PSMD13: variants seen among roughly 807,000 people sequenced by gnomAD.
The protein encoded by PSMD13 is 26S proteasome non-ATPase regulatory subunit 13.
A neutral mutation model predicts 57.4 loss-of-function variants in PSMD13; 8 were observed. The ratio of observed to expected loss-of-function variants is 0.14; its 90% CI spans 0.08 to 0.25. The LOEUF (loss-of-function observed/expected upper bound fraction) is 0.25. Among genes scored for constraint, PSMD13 ranks in the 10% least tolerant of loss-of-function variants. The probability of loss-of-function intolerance (pLI) is 1.00; values close to 1 mark genes in which losing one functional copy is unlikely to be tolerated. For missense variants in PSMD13, 400 were observed against 461.5 expected (o/e 0.87, Z 1.22); for synonymous variants, 193 against 168.2 (o/e 1.15, Z -1.14).
intron 9 of PSMD13, 99 bp downstream of exon 9, chr11:249,156 A>G: frequency 6.5e-7 from 1 of 1,534,858 alleles, no homozygotes; most frequent in Non-Finnish European, 8.8e-7. Flanking sequence ...ACAGGAAAGA[A>G]CAGGGCAAAG....
intron 9 of PSMD13, 46 bp downstream of exon 9, chr11:249,103 T>C: frequency 6.2e-7 from 1 of 1,602,216 alleles, no homozygotes; most frequent in Non-Finnish European, 8.5e-7. Context: ...ATGTATCTAC[T>C]CGCTCATACA....
intron 9 of PSMD13, among the ~76,000 whole-genome samples, chr11:249,543 AGGGAGGGGGAGAGCGGCGGGTGCG>A (rs1374825670): frequency 8.5e-6 from 1 of 117,534 alleles, no homozygotes; most frequent in Non-Finnish European, 1.8e-5. Flanking sequence ...CGGTGGGTGC[AGGGAGGGGGAGAGCGGCGGGTGCG>A]GGGAGGGGGA....
At chr11:237,200 C>A in intron 1 of PSMD13, 56 bp downstream of exon 1, 1 of 1,528,368 alleles carries the variant, frequency 6.5e-7, no homozygotes, top group Non-Finnish European at 8.9e-7. Context: ...ACGGAGGGGG[C>A]AGGCGGGCGG....
At chr11:238,596 G>C (rs1245063627) in intron 1 of PSMD13, among the ~76,000 whole-genome samples, 1 of 152,250 alleles carries the variant, frequency 6.6e-6, no homozygotes, top group African/African-American at 2.4e-5. Context: ...ACTTGATCCT[G>C]GGAGGCAGAG....
rs192953183 is a variant in PSMD13 at position 247,464 on chromosome 11, A to G, written c.568+16A>G. ...GATCTACCAGGTAACCTAGGCCATT[A>G]AATCCATGTCACACAGGAGCATATT... On this transcript the variant is annotated intron_variant, in intron 7 of 12. Transcript: ENST00000532097. The G allele has an allele frequency of 1.1e-5, 17 of 1,610,238 alleles. No homozygotes were observed. In the East Asian group the frequency reaches 3.8e-4, roughly 36 times the overall value.
intron 9 of PSMD13, among the ~76,000 whole-genome samples, chr11:249,685 G>C (rs1859734972): frequency 6.6e-6 from 1 of 152,084 alleles, no homozygotes; most frequent in Admixed American, 6.6e-5. Context: ...CAGGCACTGG[G>C]TGAAGTTGTC....
rs961776445 is a variant in PSMD13 at position 242,898 on chromosome 11, C to G, written c.175-1143C>G. 3.9e-5 allele frequency among the ~76,000 whole-genome samples: 6 copies of G among 152,180 alleles called. No individual in the cohort carries two copies. In the East Asian group the frequency reaches 1.2e-3, roughly 29 times the overall value. Reference sequence around the variant, plus strand: ...GCAACCTCTGCCTCCCTGGTTCAAGCGATTCTTCTGCCTCAGCCTCCCAAG... The same window carrying G: ...GCAACCTCTGCCTCCCTGGTTCAAGGGATTCTTCTGCCTCAGCCTCCCAAG... On this transcript the variant is annotated intron_variant, in intron 2 of 12. Transcript: ENST00000532097.
intron 1 of PSMD13, among the ~76,000 whole-genome samples, chr11:237,839 G>A (rs1859377962): frequency 6.6e-6 from 1 of 152,226 alleles, no homozygotes; most frequent in East Asian, 1.9e-4. Flanking sequence ...TTTAATATGA[G>A]TAGAATAAAT....
At chr11:247,524 A>G in intron 7 of PSMD13, 76 bp downstream of exon 7, 1 of 1,509,202 alleles carries the variant, frequency 6.6e-7, no homozygotes, top group South Asian at 1.3e-5. Flanking sequence ...GCTTGAGGTG[A>G]CAGTTCTCAG....
chr11:238,340 C>A (rs368934732), intron 1 of PSMD13, among the ~76,000 whole-genome samples: 1 of 152,218 alleles, frequency 6.6e-6, no homozygotes, highest in African/African-American at 2.4e-5. Flanking sequence ...TTAATGTTCT[C>A]CATTTCATAC....
In PSMD13 at chr11:247,390, G is replaced by T. The variant is rs780956637; in HGVS notation, c.510G>T (p.Ala170=). 1.2e-6 allele frequency: 2 copies of T among 1,603,152 alleles called. No homozygotes were observed. The highest frequency in any genetic ancestry group is 1.7e-4 in the Middle Eastern group (1 of 6,006). ...ACTATCAAACAATCGGAAACCACGC[G>T]TCCTACTACAAAGATGCTCTGCGGT... is the stretch of plus-strand genomic sequence containing the variant. ...SKYYQTIGNH[A]SYYKDALRFL... Residue 170 remains alanine, a synonymous_variant, in exon 7 of 13, where the codon GCG becomes GCT. Transcript: ENST00000532097.
intron 7 of PSMD13, 84 bp from the exon 8 acceptor site, chr11:248,692 A>T: frequency 3.8e-6 from 5 of 1,309,174 alleles, no homozygotes; most frequent in Admixed American, 3.7e-5. Flanking sequence ...ATGTTTTTTT[A>T]CTTTTTGTTA....
At chr11:240,196 A>G (rs1482298526) in intron 2 of PSMD13, among the ~76,000 whole-genome samples, 3 of 130,200 alleles carry the variant, frequency 2.3e-5, no homozygotes, top group South Asian at 4.6e-4. Flanking sequence ...TGCAACTTCC[A>G]CCTCCCGAGT....
At chr11:238,745 G>A (rs1418235722) in intron 1 of PSMD13, among the ~76,000 whole-genome samples, 1 of 152,156 alleles carries the variant, frequency 6.6e-6, no homozygotes, top group Non-Finnish European at 1.5e-5. Context: ...TGAAATATTT[G>A]CGATATATAC....
At chr11:237,407 C>T (rs756501432) in intron 1 of PSMD13, among the ~76,000 whole-genome samples, 2 of 152,204 alleles carry the variant, frequency 1.3e-5, no homozygotes, top group African/African-American at 2.4e-5. Context: ...GCTTCCTTAA[C>T]GGGGGACTGA....
At chr11:244,383 AC>A in intron 4 of PSMD13, 42 bp from the exon 5 acceptor site, 1 of 1,597,776 alleles carries the variant, frequency 6.3e-7, no homozygotes, top group South Asian at 1.1e-5. Flanking sequence ...GTTAGCAGAA[AC>A]CAGTCTGTTG....
At chr11:248,684 G>GT (rs374061872) in intron 7 of PSMD13, 92 bp from the exon 8 acceptor site, 39 of 1,243,908 alleles carry the variant, frequency 3.1e-5, no homozygotes, top group East Asian at 7.1e-5. Flanking sequence ...TACAAACAAT[G>GT]TTTTTTTACT....
chr11:250,381 T>A (rs1373280349), intron 9 of PSMD13, among the ~76,000 whole-genome samples: 1 of 152,200 alleles, frequency 6.6e-6, no homozygotes, highest in African/African-American at 2.4e-5. Context: ...TAAGGAAGCT[T>A]TTCCTCAGAG....
At chr11:239,166 A>G in intron 2 of PSMD13, 90 bp downstream of exon 2, 6 of 1,220,452 alleles carry the variant, frequency 4.9e-6, no homozygotes, top group Non-Finnish European at 6.1e-6. Context: ...AATAATAATA[A>G]GCTCCAATAT....
Sources: gnomAD v4.1 joint callset for allele counts (sites outside exome capture counted in the v4.1 genomes callset) on GRCh38, gnomAD v4.1.1 for gene constraint, MANE v1.5 for transcripts, NCBI Gene and HGNC (gene_info 2026-07-23, HGNC 2026-07-21) for gene names.